The following ATXN8OS variants were observed in gnomAD, a reference collection of about 807,000 sequenced individuals.
The protein encoded by ATXN8OS is ATXN8 opposite strand (non-protein coding).
At chr13:70,116,435 T>C (rs1188835909) in intron 2 of ATXN8OS, among the ~76,000 whole-genome samples, 1 of 152,040 alleles carries the variant, frequency 6.6e-6, no homozygotes, top group East Asian at 1.9e-4. Flanking sequence ...TGAGCGACAG[T>C]GCCATAGCAG....
chr13:70,158,863 G>A (rs534485211), intron 4 of ATXN8OS, among the ~76,000 whole-genome samples: 76 of 152,286 alleles, frequency 5.0e-4, no homozygotes, highest in Non-Finnish European at 1.1e-3. Context: ...CAGAGGGCCA[G>A]ATTTAGTTCA....
chr13:70,139,351 T>C (rs1015012614), intron 3 of ATXN8OS: 20 of 548,256 alleles, frequency 3.6e-5, no homozygotes, highest in African/African-American at 2.2e-4. Flanking sequence ...AAACCTGGCT[T>C]TACTACTACT....
At chr13:70,114,652 A>G (rs991865) in intron 1 of ATXN8OS, among the ~76,000 whole-genome samples, 109,743 of 151,908 alleles carry the variant, frequency 0.72, 39,917 homozygotes, top group South Asian at 0.85. Flanking sequence ...ACATCATATT[A>G]TTATTTTCTT....
At chr13:70,128,375 G>A (rs1888474967) in intron 2 of ATXN8OS, among the ~76,000 whole-genome samples, 1 of 152,040 alleles carries the variant, frequency 6.6e-6, no homozygotes, top group Admixed American at 6.6e-5. Context: ...CCCCATAACT[G>A]TCTTTTACAA....
intron 4 of ATXN8OS, among the ~76,000 whole-genome samples, chr13:70,163,078 T>C (rs1332090929): frequency 6.6e-6 from 1 of 152,096 alleles, no homozygotes; most frequent in Admixed American, 6.6e-5. Context: ...ACAACTTTGG[T>C]TATAAATTAC....
chr13:70,107,723 G>T (rs530631519), upstream of ATXN8OS: 8 of 1,498,168 alleles, frequency 5.3e-6, no homozygotes, highest in Non-Finnish European at 6.2e-6. Flanking sequence ...AAGGCAAAAG[G>T]CTGGCAGCTC....
chr13:70,136,320 C>T (rs1193342050), intron 3 of ATXN8OS, among the ~76,000 whole-genome samples: 1 of 152,090 alleles, frequency 6.6e-6, no homozygotes, highest in African/African-American at 2.4e-5. Context: ...CTGAGGTCTC[C>T]TATTTTTTAA....
intron 2 of ATXN8OS, among the ~76,000 whole-genome samples, chr13:70,126,635 G>A (rs1202394317): frequency 6.7e-6 from 1 of 149,440 alleles, no homozygotes; most frequent in Non-Finnish European, 1.5e-5. Context: ...AATCTTACAT[G>A]GGCAGGTAGA....
At chr13:70,122,040 G>A (rs1888366599) in intron 2 of ATXN8OS, among the ~76,000 whole-genome samples, 1 of 151,864 alleles carries the variant, frequency 6.6e-6, no homozygotes, top group Non-Finnish European at 1.5e-5. Context: ...TGCATTTTTA[G>A]AATTATGTTC....
intron 4 of ATXN8OS, among the ~76,000 whole-genome samples, chr13:70,164,731 T>C (rs941977530): frequency 6.6e-6 from 1 of 152,160 alleles, no homozygotes; most frequent in African/African-American, 2.4e-5. Flanking sequence ...GACATTATAA[T>C]GAAACACCAG....
At chr13:70,162,957 T>C (rs1486237904) in intron 4 of ATXN8OS, among the ~76,000 whole-genome samples, 1 of 152,084 alleles carries the variant, frequency 6.6e-6, no homozygotes, top group African/African-American at 2.4e-5. Flanking sequence ...CTTTGAATCA[T>C]AGCAAGTTGA....
At chr13:70,107,475 AGAG>A (rs1174389113), upstream of ATXN8OS, 2 of 1,613,964 alleles carry the variant, frequency 1.2e-6, no homozygotes, top group Non-Finnish European at 1.7e-6. Flanking sequence ...ATGAAGAGGA[AGAG>A]GAGGAAGGCT....
chr13:70,166,198 T>A (rs995845914), intron 4 of ATXN8OS, among the ~76,000 whole-genome samples: 6 of 151,914 alleles, frequency 3.9e-5, no homozygotes, highest in African/African-American at 1.4e-4. Context: ...AAAAGAGCCC[T>A]CATTGCCAAG....
intron 3 of ATXN8OS, chr13:70,139,371 A>ACTGCTGCTGCTGCTGCTGCTGCTGCTG: frequency 7.8e-6 from 5 of 643,244 alleles, no homozygotes; most frequent in East Asian, 6.0e-5. Context: ...TACTACTACT[A>ACTGCTGCTGCTGCTGCTGCTGCTGCTG]CTACTACTAC....
At position 70,171,455 on chromosome 13, in the gene ATXN8OS, C is replaced by G. The variant is rs866913366; in HGVS notation, n.2276C>G. The stretch of plus-strand genomic sequence containing the variant: ...ATGAGTGGTGAATGGATGTGATGGC[C>G]TAGGATAATTGTGTACATTTTAATA... On this transcript the variant is annotated non_coding_transcript_exon_variant, in exon 5 of 5. Coordinates refer to ENST00000678624, the Ensembl canonical transcript of ATXN8OS. Among the ~76,000 whole-genome samples, 4 of 152,168 alleles carry G rather than the reference C, an allele frequency of 2.6e-5. No homozygotes were observed. In the Middle Eastern group the frequency reaches 0.014, roughly 518 times the overall value.
chr13:70,108,040 G>C (rs967995542), intron 1 of ATXN8OS: 2 of 427,206 alleles, frequency 4.7e-6, no homozygotes, highest in Non-Finnish European at 8.2e-6. Flanking sequence ...CCTTAGGCTG[G>C]AGATGCGCGA....
chr13:70,160,748 T>G (rs551601377), intron 4 of ATXN8OS, among the ~76,000 whole-genome samples: 540 of 38,054 alleles, frequency 0.014, 5 homozygotes, highest in African/African-American at 0.034. Flanking sequence ...TTTTTATATA[T>G]AATTTTATAT....
intron 4 of ATXN8OS, among the ~76,000 whole-genome samples, chr13:70,163,333 C>T (rs1889032960): frequency 6.6e-6 from 1 of 152,002 alleles, no homozygotes; most frequent in African/African-American, 2.4e-5. Context: ...CATTGGCTGG[C>T]ATCTAAGTCC....
chr13:70,147,953 G>GGCCAGGTCAA (rs1380809625), intron 4 of ATXN8OS, among the ~76,000 whole-genome samples: 1 of 152,162 alleles, frequency 6.6e-6, no homozygotes, highest in Non-Finnish European at 1.5e-5. Context: ...ATCTTGAAGC[G>GGCCAGGTCAA]GTGGCTTCCA....
Sources: allele counts gnomAD v4.1 joint callset (sites outside exome capture counted in the v4.1 genomes callset), GRCh38; gene constraint gnomAD v4.1.1; transcripts MANE v1.5; gene names NCBI Gene and HGNC (gene_info 2026-07-23, HGNC 2026-07-21).